TBC1D5: variants seen among roughly 807,000 people sequenced by gnomAD.
TBC1D5 encodes TBC1 domain family member 5, also known as TBC1 domain family, member 5.
In TBC1D5, 75 loss-of-function variants were observed where a neutral mutation model predicts 100.3. The observed-to-expected ratio is 0.75, with a 90% CI of 0.62 to 0.91. TBC1D5 has a LOEUF of 0.91. TBC1D5 is among the 40% of genes least tolerant of loss of function. TBC1D5 has a pLI of 0.00. For synonymous variants in TBC1D5, 323 were observed against 325.6 expected (o/e 0.99, Z 0.09); for missense variants, 910 against 942.4 (o/e 0.97, Z 0.45).
intron 14 of TBC1D5, among the ~76,000 whole-genome samples, chr3:17,293,349 CCTTAT>C (rs2081948239): frequency 6.6e-6 from 1 of 152,134 alleles, no homozygotes; most frequent in African/African-American, 2.4e-5. Flanking sequence ...AATCAATTCA[CCTTAT>C]AACTCAAAAA....
intron 2 of TBC1D5, among the ~76,000 whole-genome samples, chr3:17,528,282 T>G (rs1387673828): frequency 6.6e-6 from 1 of 152,174 alleles, no homozygotes; most frequent in East Asian, 1.9e-4. Flanking sequence ...CCATCAGGAC[T>G]TCACCCTAAT....
chr3:17,560,976 A>G (rs2096555112), intron 2 of TBC1D5, among the ~76,000 whole-genome samples: 1 of 152,166 alleles, frequency 6.6e-6, no homozygotes, highest in South Asian at 2.1e-4. Context: ...ACTAAACTAT[A>G]GTGTCTAGAG....
chr3:17,549,132 T>C (rs1463149221), intron 2 of TBC1D5, among the ~76,000 whole-genome samples: 2 of 152,086 alleles, frequency 1.3e-5, no homozygotes, highest in Non-Finnish European at 2.9e-5. Context: ...GACCTGTCTC[T>C]ACTAAATACA....
At chr3:17,574,110 C>T (rs1172453018) in intron 2 of TBC1D5, among the ~76,000 whole-genome samples, 1 of 151,954 alleles carries the variant, frequency 6.6e-6, no homozygotes, top group East Asian at 1.9e-4. Flanking sequence ...GAATGAAAGG[C>T]CTCTCTAAGC....
intron 17 of TBC1D5, among the ~76,000 whole-genome samples, chr3:17,216,246 C>T (rs1469201616): frequency 1.3e-5 from 2 of 152,072 alleles, no homozygotes; most frequent in African/African-American, 2.4e-5. Context: ...AGGTTTTGAA[C>T]TAACATCATG....
intron 9 of TBC1D5, 78 bp from the exon 10 acceptor site, chr3:17,376,691 A>G: frequency 2.5e-6 from 3 of 1,203,732 alleles, no homozygotes; most frequent in African/African-American, 1.6e-5. Context: ...TCAGTTAAAT[A>G]CTTCTTCAAA....
intron 3 of TBC1D5, among the ~76,000 whole-genome samples, chr3:17,449,821 C>T (rs111999980): frequency 0.091 from 13,866 of 152,224 alleles, 1,428 homozygotes; most frequent in African/African-American, 0.26. Flanking sequence ...CAGACTTAAA[C>T]ATTCCTGCCT....
chr3:17,463,205 T>C (rs548793989), intron 3 of TBC1D5, among the ~76,000 whole-genome samples: 4 of 152,212 alleles, frequency 2.6e-5, no homozygotes, highest in Non-Finnish European at 5.9e-5. Flanking sequence ...CTGATAAATA[T>C]TCTGGGTTAT....
chr3:17,446,422 G>A (rs904612683), intron 3 of TBC1D5, among the ~76,000 whole-genome samples: 8 of 151,822 alleles, frequency 5.3e-5, no homozygotes, highest in Non-Finnish European at 1.2e-4. Context: ...TAAATTTCTG[G>A]CTTACACAAC....
At chr3:17,430,925 A>C (rs935412268) in intron 3 of TBC1D5, among the ~76,000 whole-genome samples, 1 of 151,922 alleles carries the variant, frequency 6.6e-6, no homozygotes, top group African/African-American at 2.4e-5. Flanking sequence ...GAAATCAAAG[A>C]CAAACAGAAA....
At chr3:17,553,164 G>C (rs945574423) in intron 2 of TBC1D5, among the ~76,000 whole-genome samples, 11 of 152,156 alleles carry the variant, frequency 7.2e-5, no homozygotes, top group African/African-American at 2.4e-4. Flanking sequence ...ATGGTGTCAT[G>C]TGTCCCTGCT....
chr3:17,203,503 G>A (rs1437169211), intron 18 of TBC1D5, among the ~76,000 whole-genome samples: 1 of 152,148 alleles, frequency 6.6e-6, no homozygotes, highest in East Asian at 1.9e-4. Flanking sequence ...TGAGATTTGG[G>A]AGGAGCCAGG....
chr3:17,321,218 T>C (rs1412631757), intron 13 of TBC1D5, among the ~76,000 whole-genome samples: 1 of 152,104 alleles, frequency 6.6e-6, no homozygotes, highest in African/African-American at 2.4e-5. Context: ...CAGGCATGTG[T>C]CACCATGCTC....
At chr3:17,306,291 T>C (rs181725029) in intron 14 of TBC1D5, among the ~76,000 whole-genome samples, 47 of 152,302 alleles carry the variant, frequency 3.1e-4, no homozygotes, top group African/African-American at 1.1e-3. Context: ...AATATGTTCA[T>C]TTGAAATCAT....
At chr3:17,166,136 A>T (rs914809064) in intron 21 of TBC1D5, among the ~76,000 whole-genome samples, 3 of 152,172 alleles carry the variant, frequency 2.0e-5, no homozygotes, top group Admixed American at 6.5e-5. Context: ...ATGGCCCCCA[A>T]GCTGAGAATG....
At chr3:17,685,664 T>C (rs2070163165) in intron 1 of TBC1D5, among the ~76,000 whole-genome samples, 1 of 152,082 alleles carries the variant, frequency 6.6e-6, no homozygotes, top group Non-Finnish European at 1.5e-5. Context: ...AAAGACTGCA[T>C]AGGATTAGTT....
chr3:17,276,336 G>A (rs1010199155), intron 15 of TBC1D5, among the ~76,000 whole-genome samples: 1 of 152,136 alleles, frequency 6.6e-6, no homozygotes, highest in African/African-American at 2.4e-5. Context: ...CATCTTGGGT[G>A]GTTAAGATTT....
intron 19 of TBC1D5, among the ~76,000 whole-genome samples, chr3:17,178,520 GTA>G (rs145227371): frequency 0.039 from 5,902 of 152,172 alleles, 221 homozygotes; most frequent in East Asian, 0.21. Flanking sequence ...TTCCTTTTGA[GTA>G]TATACCCTGG....
intron 1 of TBC1D5, among the ~76,000 whole-genome samples, chr3:17,697,258 A>C (rs999661149): frequency 3.3e-5 from 5 of 152,240 alleles, no homozygotes; most frequent in African/African-American, 1.2e-4. Context: ...TGGCCAGGGC[A>C]ATCAGGCAAG....
Sources: gnomAD v4.1 joint callset for allele counts (sites outside exome capture counted in the v4.1 genomes callset) on GRCh38, gnomAD v4.1.1 for gene constraint, MANE v1.5 for transcripts, NCBI Gene and HGNC (gene_info 2026-07-23, HGNC 2026-07-21) for gene names.